The following MAP2K1 variants were observed in gnomAD, a reference collection of about 807,000 sequenced individuals.
MAP2K1 encodes the protein dual specificity mitogen-activated protein kinase kinase 1.
In MAP2K1, 16 loss-of-function variants were observed where a neutral mutation model predicts 46.3. That is an observed-to-expected ratio of 0.35 (90% CI 0.23 to 0.52). The LOEUF is 0.52. Ranked by LOEUF, MAP2K1 falls within the 20% of genes least tolerant of loss-of-function variation. The pLI, the probability that MAP2K1 is intolerant of heterozygous loss-of-function variation, is 0.94. For missense variants in MAP2K1, 263 were observed against 497.1 expected (o/e 0.53, Z 4.48); for synonymous variants, 183 against 185.6 (o/e 0.99, Z 0.11).
At chr15:66,437,315 A>G (rs1286098651) in intron 3 of MAP2K1, among the ~76,000 whole-genome samples, 1 of 152,208 alleles carries the variant, frequency 6.6e-6, no homozygotes, top group Non-Finnish European at 1.5e-5. Context: ...GGGTTTCTGT[A>G]TGATGCACGT....
chr15:66,490,762 CTT>C lies in MAP2K1; in HGVS notation c.*148_*149del, dbSNP rs745540522. ...ACACAGCATGTGCCAAGATTCTACT[CTT>C]GTCATTTTTAATATTACTGTCTTTA... On this transcript the variant is annotated 3_prime_UTR_variant, in exon 11 of 11. Transcript: ENST00000307102. The C allele has an allele frequency of 5.2e-5, 37 of 714,054 alleles. No individual in the cohort carries two copies. Among genetic ancestry groups the C allele is most frequent in the Non-Finnish European group, 7.4e-5 (29 of 390,938 alleles). 44.2% of individuals were successfully genotyped at this position (714,054 alleles called of 1,614,324 possible).
At chr15:66,397,069 A>G (rs1313658387) in intron 1 of MAP2K1, among the ~76,000 whole-genome samples, 29 of 129,520 alleles carry the variant, frequency 2.2e-4, no homozygotes, top group Non-Finnish European at 2.9e-4. Flanking sequence ...CAGTGGCACA[A>G]TCTCGGCTCA....
chr15:66,437,906 T>C (rs924799004), intron 3 of MAP2K1, among the ~76,000 whole-genome samples: 3 of 152,114 alleles, frequency 2.0e-5, no homozygotes, highest in African/African-American at 7.2e-5. Context: ...GTGGGAAGCA[T>C]ATGAACATTT....
intron 1 of MAP2K1, among the ~76,000 whole-genome samples, chr15:66,429,790 C>CG (rs2093470373): frequency 6.6e-6 from 1 of 151,352 alleles, no homozygotes; most frequent in Non-Finnish European, 1.5e-5. Context: ...TCCTGTCTTA[C>CG]TACTCCTTAT....
At chr15:66,445,480 T>C (rs1016182047) in intron 5 of MAP2K1, among the ~76,000 whole-genome samples, 1 of 152,244 alleles carries the variant, frequency 6.6e-6, no homozygotes, top group African/African-American at 2.4e-5. Flanking sequence ...CTTAACCATG[T>C]GACCATACCA....
chr15:66,445,634 C>T (rs553670208), intron 5 of MAP2K1, among the ~76,000 whole-genome samples: 38 of 152,246 alleles, frequency 2.5e-4, no homozygotes, highest in Middle Eastern at 3.4e-3. Flanking sequence ...ACAGAATACT[C>T]TTCAACAATA....
chr15:66,393,182 C>CT (rs34725770), intron 1 of MAP2K1, among the ~76,000 whole-genome samples: 9,251 of 143,960 alleles, frequency 0.064, 344 homozygotes, highest in Middle Eastern at 0.12. Context: ...TTCTCTCTCT[C>CT]TTTTTTTTTT....
At chr15:66,473,533 G>C (rs557981865) in intron 5 of MAP2K1, among the ~76,000 whole-genome samples, 2 of 152,144 alleles carry the variant, frequency 1.3e-5, no homozygotes, top group East Asian at 3.9e-4. Context: ...AAAAAAAAGA[G>C]TGCTGTCAGG....
At chr15:66,438,967 G>T (rs1567010415) in intron 3 of MAP2K1, among the ~76,000 whole-genome samples, 1 of 152,208 alleles carries the variant, frequency 6.6e-6, no homozygotes, top group Non-Finnish European at 1.5e-5. Context: ...AGAGGCTCAG[G>T]TGCTGCCGGA....
chr15:66,420,755 GTGTGTA>G lies in MAP2K1; in HGVS notation c.81-14266_81-14261del, dbSNP rs1426421719. ...TGTGTGTGTGTGTGTGTGTGTGTGT[GTGTGTA>G]TGTGTGTATATATATGTGTATATAT... On this transcript the variant is annotated intron_variant, in intron 1 of 10. Coordinates refer to ENST00000307102, the MANE Select transcript of MAP2K1 (RefSeq NM_002755.4). Among the ~76,000 whole-genome samples the G allele has an allele frequency of 4.3e-3, 154 of 35,888 alleles. 11 individuals carry two copies. The highest frequency in any genetic ancestry group is 0.011 in the African/African-American group (128 of 11,768). The allele number at this position is 35,888 out of a possible 152,430, so 23.5% of individuals were successfully genotyped here. A position where few individuals can be genotyped will look rare whatever the true frequency, so the allele number is the denominator to read the frequency against.
intron 5 of MAP2K1, among the ~76,000 whole-genome samples, chr15:66,473,702 A>C (rs2140654510): frequency 6.6e-6 from 1 of 152,156 alleles, no homozygotes; most frequent in African/African-American, 2.4e-5. Context: ...TTTTGAGACA[A>C]AGTCTCGCTC....
In MAP2K1 at chr15:66,461,337, T is replaced by A. The variant is rs934136508; in HGVS notation, c.568+16630T>A. On this transcript the variant is annotated intron_variant, in intron 5 of 10. Transcript: ENST00000307102. ...AAACCCCAACTGAAAATACAAAAAT[T>A]AGCCGGGTGTGGTGGTGGGCACCTG... Among the ~76,000 whole-genome samples, 3 of 151,832 alleles carry A rather than the reference T, an allele frequency of 2.0e-5. No individual in the cohort carries two copies. The East Asian group carries it at 5.8e-4, about 29-fold the overall frequency.
Position 66,387,207 on chromosome 15 carries a change from G to T in MAP2K1, c.-141G>T. 1.6e-6 allele frequency: 1 copy of T among 609,664 alleles called. No individual in the cohort carries two copies. The highest frequency in any genetic ancestry group is 3.3e-5 in the East Asian group (1 of 29,958). 37.8% of individuals were successfully genotyped at this position (609,664 alleles called of 1,614,324 possible). On this transcript the variant is annotated 5_prime_UTR_variant, in exon 1 of 11. Coordinates refer to ENST00000307102, the MANE Select transcript of MAP2K1 (RefSeq NM_002755.4). Reference sequence around the variant, plus strand: ...GGCCCCTCGGCGCTGACGGGACCGCGCGGGGCGCACCCGCTGAAGGCAGCC... The same window carrying T: ...GGCCCCTCGGCGCTGACGGGACCGCTCGGGGCGCACCCGCTGAAGGCAGCC...
At chr15:66,475,157 T>G (rs1477011075) in intron 5 of MAP2K1, among the ~76,000 whole-genome samples, 1 of 152,170 alleles carries the variant, frequency 6.6e-6, no homozygotes, top group East Asian at 1.9e-4. Flanking sequence ...TCTCTGCTAC[T>G]TAATTAGCTC....
intron 1 of MAP2K1, among the ~76,000 whole-genome samples, chr15:66,424,090 T>C (rs1455520173): frequency 6.7e-6 from 1 of 149,390 alleles, no homozygotes; most frequent in Non-Finnish European, 1.5e-5. Flanking sequence ...GGAGTTTTTC[T>C]TTTGTTGCCC....
chr15:66,437,463 G>A (rs2093491470), intron 3 of MAP2K1, among the ~76,000 whole-genome samples: 1 of 152,206 alleles, frequency 6.6e-6, no homozygotes, highest in Admixed American at 6.5e-5. Context: ...AACACACTGT[G>A]CAACTTAGGG....
chr15:66,446,107 C>G (rs1194734739), intron 5 of MAP2K1, among the ~76,000 whole-genome samples: 4 of 152,052 alleles, frequency 2.6e-5, no homozygotes, highest in African/African-American at 9.7e-5. Flanking sequence ...TGCTTGTAAT[C>G]CCAGCTAATC....
intron 1 of MAP2K1, among the ~76,000 whole-genome samples, chr15:66,430,884 T>G (rs2093473452): frequency 6.6e-6 from 1 of 152,204 alleles, no homozygotes; most frequent in South Asian, 2.1e-4. Context: ...CACTGGTGTT[T>G]CCAAAAAGCA....
chr15:66,425,773 G>A (rs1473366510), intron 1 of MAP2K1, among the ~76,000 whole-genome samples: 1 of 152,222 alleles, frequency 6.6e-6, no homozygotes, highest in East Asian at 1.9e-4. Flanking sequence ...ACTTCATAGT[G>A]TAAACAGGTA....
Sources: gnomAD v4.1 joint callset for allele counts (sites outside exome capture counted in the v4.1 genomes callset) on GRCh38, gnomAD v4.1.1 for gene constraint, MANE v1.5 for transcripts, NCBI Gene and HGNC (gene_info 2026-07-23, HGNC 2026-07-21) for gene names.